The following MCUB variants were observed in gnomAD, a reference collection of about 807,000 sequenced individuals.
MCUB encodes calcium uniporter regulatory subunit MCUb, mitochondrial.
In MCUB, 46 loss-of-function variants were observed where a neutral mutation model predicts 41.4. The observed-to-expected ratio is 1.11, with a 90% CI of 0.88 to 1.42. The LOEUF is 1.42. Ranked by LOEUF, MCUB falls within the 40% of genes most tolerant of loss-of-function variation. MCUB has a pLI of 0.00. For synonymous variants in MCUB, 148 were observed against 148.2 expected (o/e 1.00, Z 0.01); for missense variants, 403 against 404.9 (o/e 1.00, Z 0.04).
At chr4:109,601,861 A>G (rs1727752749) in intron 1 of MCUB, among the ~76,000 whole-genome samples, 1 of 152,212 alleles carries the variant, frequency 6.6e-6, no homozygotes, top group African/African-American at 2.4e-5. Flanking sequence ...CCAACAATGT[A>G]TAAGGGCTCC....
intron 1 of MCUB, among the ~76,000 whole-genome samples, chr4:109,652,188 TTTAAC>T (rs1194897654): frequency 6.6e-6 from 1 of 152,200 alleles, no homozygotes; most frequent in Non-Finnish European, 1.5e-5. Flanking sequence ...ATGACCTCAT[TTTAAC>T]TTAACCTCTT....
chr4:109,607,996 C>G (rs1727919983), intron 1 of MCUB, among the ~76,000 whole-genome samples: 1 of 152,188 alleles, frequency 6.6e-6, no homozygotes, highest in Non-Finnish European at 1.5e-5. Flanking sequence ...TCTTTCTCTA[C>G]TTCCTCTTCA....
intron 1 of MCUB, among the ~76,000 whole-genome samples, chr4:109,624,787 G>A (rs1023563707): frequency 2.6e-5 from 4 of 152,174 alleles, no homozygotes; most frequent in Non-Finnish European, 5.9e-5. Flanking sequence ...ACACAGTACA[G>A]GATGCTCTTG....
intron 1 of MCUB, among the ~76,000 whole-genome samples, chr4:109,580,199 G>C (rs940840862): frequency 2.0e-5 from 3 of 152,196 alleles, no homozygotes; most frequent in Non-Finnish European, 4.4e-5. Flanking sequence ...TCCCTGCAAA[G>C]GACATGAACT....
chr4:109,598,570 TGAGAGGGAGACCGTGGAAACAGAGG>T (rs1056071801), intron 1 of MCUB, among the ~76,000 whole-genome samples: 16 of 151,638 alleles, frequency 1.1e-4, no homozygotes, highest in Admixed American at 2.6e-4. Context: ...CGGCTGGGCA[TGAGAGGGAGACCGTGGAAACAGAGG>T]GAGAGGGAGA....
intron 2 of MCUB, 31 bp downstream of exon 2, chr4:109,659,117 A>G: frequency 8.6e-7 from 1 of 1,167,980 alleles, no homozygotes; most frequent in South Asian, 1.3e-5. Flanking sequence ...TTTGATTCAT[A>G]TGTTAATTGT....
intron 1 of MCUB, among the ~76,000 whole-genome samples, chr4:109,569,907 T>C (rs1174365104): frequency 6.6e-6 from 1 of 152,210 alleles, no homozygotes; most frequent in Non-Finnish European, 1.5e-5. Context: ...AGATGAATGC[T>C]GTTGGAGGCT....
chr4:109,623,310 C>T (rs1728292862), intron 1 of MCUB, among the ~76,000 whole-genome samples: 1 of 152,136 alleles, frequency 6.6e-6, no homozygotes, highest in African/African-American at 2.4e-5. Context: ...ACTGATGATG[C>T]CAGCTAGGGC....
At chr4:109,606,537 T>C (rs1346560231) in intron 1 of MCUB, among the ~76,000 whole-genome samples, 2 of 152,132 alleles carry the variant, frequency 1.3e-5, no homozygotes, top group African/African-American at 4.8e-5. Flanking sequence ...TGTATTTTTT[T>C]TATTTGAGTT....
intron 1 of MCUB, among the ~76,000 whole-genome samples, chr4:109,642,477 AT>A: frequency 6.6e-6 from 1 of 152,206 alleles, no homozygotes; most frequent in South Asian, 2.1e-4. Context: ...GTTTTTATTT[AT>A]TTTTCTGTAT....
intron 1 of MCUB, among the ~76,000 whole-genome samples, chr4:109,612,020 A>G (rs951326816): frequency 1.3e-5 from 2 of 152,146 alleles, no homozygotes; most frequent in African/African-American, 2.4e-5. Flanking sequence ...GTCTCCATTA[A>G]TTGTGTTAGT....
In MCUB at chr4:109,650,969, T is replaced by C. The variant is rs140691357; in HGVS notation, c.100-8042T>C. 2.4e-3 allele frequency among the ~76,000 whole-genome samples: 364 copies of C among 152,316 alleles called. 3 individuals are homozygous for C. Among genetic ancestry groups the C allele is most frequent in the African/African-American group, 8.2e-3 (342 of 41,570 alleles). On this transcript the variant is annotated intron_variant, in intron 1 of 7. Transcript: ENST00000394650. Reference sequence around the variant, plus strand: ...TCGGGAATATCTCAAAAGTGTCCCATGTATTCTCATTGCATGATTTCAACT... The same window carrying C: ...TCGGGAATATCTCAAAAGTGTCCCACGTATTCTCATTGCATGATTTCAACT...
chr4:109,576,042 G>A (rs918912291), intron 1 of MCUB, among the ~76,000 whole-genome samples: 1 of 152,176 alleles, frequency 6.6e-6, no homozygotes, highest in African/African-American at 2.4e-5. Context: ...GAATAGTGGA[G>A]TTGTACTTGG....
At chr4:109,592,337 G>A (rs1727456507) in intron 1 of MCUB, among the ~76,000 whole-genome samples, 1 of 151,914 alleles carries the variant, frequency 6.6e-6, no homozygotes, top group African/African-American at 2.4e-5. Flanking sequence ...TTGAACCCGG[G>A]AGGTGGAGGT....
At chr4:109,566,602 A>G (rs1726784643) in intron 1 of MCUB, among the ~76,000 whole-genome samples, 1 of 152,250 alleles carries the variant, frequency 6.6e-6, no homozygotes, top group Non-Finnish European at 1.5e-5. Flanking sequence ...TGACATTGAC[A>G]ATATTTTGTT....
intron 1 of MCUB, among the ~76,000 whole-genome samples, chr4:109,638,679 A>G (rs1203531370): frequency 6.6e-6 from 1 of 152,164 alleles, no homozygotes; most frequent in Non-Finnish European, 1.5e-5. Flanking sequence ...TTATTTGATA[A>G]CATTTTACCC....
Position 109,634,485 on chromosome 4 carries a change from G to GAA in MCUB, c.100-24509_100-24508dup, listed in dbSNP as rs34174576. Among the ~76,000 whole-genome samples the GAA allele has an allele frequency of 3.5e-4, 44 of 124,408 alleles. No homozygotes were observed. The East Asian group carries it at 4.6e-3, about 13-fold the overall frequency. 81.6% of individuals were successfully genotyped at this position (124,408 alleles called of 152,430 possible). The stretch of plus-strand genomic sequence containing the variant: ...GCAACAAGAGCGAAACTCTGTCTCA[G>GAA]AAAAAAAAAAAAAAAAAAGAAGTGT... On this transcript the variant is annotated intron_variant, in intron 1 of 7. Transcript: ENST00000394650.
intron 4 of MCUB, chr4:109,674,078 T>C: frequency 6.9e-7 from 1 of 1,453,580 alleles, no homozygotes; most frequent in Middle Eastern, 2.4e-4. Context: ...ACTGTTGGTA[T>C]GGGCTATTCC....
intron 1 of MCUB, among the ~76,000 whole-genome samples, chr4:109,585,882 T>C (rs1727295167): frequency 6.6e-6 from 1 of 152,226 alleles, no homozygotes; most frequent in Non-Finnish European, 1.5e-5. Context: ...TTAACATTTT[T>C]TCTTTCATTT....
Sources: allele counts gnomAD v4.1 joint callset (sites outside exome capture counted in the v4.1 genomes callset), GRCh38; gene constraint gnomAD v4.1.1; transcripts MANE v1.5; gene names NCBI Gene and HGNC (gene_info 2026-07-23, HGNC 2026-07-21).